Variants in THSD4 observed in about 807,000 individuals in gnomAD.
The protein encoded by THSD4 is thrombospondin type-1 domain-containing protein 4.
THSD4 carries 69 observed loss-of-function variants against 119.0 expected under a neutral mutation model. The observed-to-expected ratio is 0.58, with a 90% CI of 0.48 to 0.71. The LOEUF is 0.71. THSD4 is among the 30% of genes least tolerant of loss of function. The pLI, the probability that THSD4 is intolerant of heterozygous loss-of-function variation, is 0.00. For missense variants in THSD4, 1,393 were observed against 1,391.1 expected, an observed-to-expected ratio of 1.00 and a Z score of -0.02; for synonymous variants, 524 against 540.4, an observed-to-expected ratio of 0.97 and a Z score of 0.42.
At chr15:71,481,613 T>A (rs1315935073) in intron 7 of THSD4, among the ~76,000 whole-genome samples, 3 of 152,176 alleles carry the variant, frequency 2.0e-5, no homozygotes, top group Non-Finnish European at 4.4e-5. Flanking sequence ...CCTTCCTTTT[T>A]GCCCCTCTTC....
intron 7 of THSD4, among the ~76,000 whole-genome samples, chr15:71,471,830 G>T (rs1372663778): frequency 6.6e-6 from 1 of 152,086 alleles, no homozygotes; most frequent in Non-Finnish European, 1.5e-5. Flanking sequence ...CTGTGTAGGG[G>T]TTTCAGAGCG....
chr15:71,422,546 GTC>G (rs1395499932), intron 7 of THSD4, among the ~76,000 whole-genome samples: 1 of 152,206 alleles, frequency 6.6e-6, no homozygotes, highest in Non-Finnish European at 1.5e-5. Flanking sequence ...CAAGAATGGA[GTC>G]TCTCTCTGTG....
intron 1 of THSD4, among the ~76,000 whole-genome samples, chr15:71,101,766 T>A (rs990261058): frequency 6.6e-6 from 1 of 151,788 alleles, no homozygotes; most frequent in Non-Finnish European, 1.5e-5. Context: ...CAGACTAGAG[T>A]GCAGTGGCAT....
intron 4 of THSD4, among the ~76,000 whole-genome samples, chr15:71,224,726 A>G (rs1474152169): frequency 6.6e-6 from 1 of 152,142 alleles, no homozygotes; most frequent in Non-Finnish European, 1.5e-5. Flanking sequence ...GAGGCTGCCT[A>G]CTTGCATTGG....
chr15:71,172,651 G>GCAAATAGAT (rs1555452519), intron 3 of THSD4, among the ~76,000 whole-genome samples: 6 of 100,092 alleles, frequency 6.0e-5, no homozygotes, highest in East Asian at 3.1e-4. Context: ...ATAGATAATG[G>GCAAATAGAT]AACAGAATAC....
chr15:71,187,072 G>A (rs1231904041), intron 3 of THSD4: 1 of 152,370 alleles, frequency 6.6e-6, no homozygotes, highest in East Asian at 1.9e-4. Context: ...AGCAGAGGAA[G>A]GCGGGTCGAA....
chr15:71,376,016 G>T (rs1034229248), intron 6 of THSD4, among the ~76,000 whole-genome samples: 2 of 152,214 alleles, frequency 1.3e-5, no homozygotes. Flanking sequence ...GCGACTTTGT[G>T]ATTATGCATA....
At chr15:71,250,506 A>G (rs879483529) in intron 5 of THSD4, among the ~76,000 whole-genome samples, 17 of 151,956 alleles carry the variant, frequency 1.1e-4, no homozygotes, top group Admixed American at 2.0e-4. Context: ...TTTTGTAGAG[A>G]TGGGTTCTTG....
intron 8 of THSD4, among the ~76,000 whole-genome samples, chr15:71,721,507 A>T (rs765084545): frequency 2.1e-4 from 1 of 4,814 alleles, no homozygotes; most frequent in South Asian, 0.5. Context: ...ATTCTGTCTT[A>T]AAAAAAAAAA....
intron 7 of THSD4, among the ~76,000 whole-genome samples, chr15:71,507,226 C>T (rs4777402): frequency 0.91 from 138,180 of 152,162 alleles, 63,706 homozygotes; most frequent in East Asian, 1. Flanking sequence ...CGCCCTGCCC[C>T]AGCACCTGCA....
chr15:71,520,209 G>T (rs1046257718), intron 7 of THSD4, among the ~76,000 whole-genome samples: 14 of 152,302 alleles, frequency 9.2e-5, no homozygotes, highest in Admixed American at 8.5e-4. Flanking sequence ...AAAGTTGGAG[G>T]GGTTGTCAGA....
intron 2 of THSD4, among the ~76,000 whole-genome samples, chr15:71,149,270 GA>G: frequency 6.6e-6 from 1 of 151,976 alleles, no homozygotes; most frequent in East Asian, 1.9e-4. Flanking sequence ...TTTTGAGATG[GA>G]GTCTCGCTGT....
chr15:71,106,398 C>T (rs2040274263), intron 1 of THSD4, among the ~76,000 whole-genome samples: 1 of 152,110 alleles, frequency 6.6e-6, no homozygotes, highest in Non-Finnish European at 1.5e-5. Flanking sequence ...GCCTTTATCT[C>T]AAAGGCAGAA....
chr15:71,270,399 T>C (rs141690490), intron 6 of THSD4, among the ~76,000 whole-genome samples: 39 of 152,334 alleles, frequency 2.6e-4, no homozygotes, highest in African/African-American at 7.9e-4. Flanking sequence ...GCTAGCCATA[T>C]GCAGAAAACA....
chr15:71,718,392 G>A (rs1346165393), intron 8 of THSD4, among the ~76,000 whole-genome samples: 1 of 152,182 alleles, frequency 6.6e-6, no homozygotes, highest in East Asian at 1.9e-4. Context: ...GAAGAGGGGA[G>A]CGTGGCCTGA....
intron 7 of THSD4, among the ~76,000 whole-genome samples, chr15:71,647,440 C>G (rs926333973): frequency 2.6e-5 from 4 of 152,156 alleles, no homozygotes; most frequent in Non-Finnish European, 5.9e-5. Flanking sequence ...ACATTTCAGC[C>G]AAATTTCTTC....
intron 1 of THSD4, among the ~76,000 whole-genome samples, chr15:71,140,072 C>T (rs2141370250): frequency 6.6e-6 from 1 of 152,314 alleles, no homozygotes; most frequent in East Asian, 1.9e-4. Context: ...TATTTATGGG[C>T]GAGAGATTTT....
intron 11 of THSD4, among the ~76,000 whole-genome samples, chr15:71,742,879 A>G (rs1426808670): frequency 6.6e-6 from 1 of 151,988 alleles, no homozygotes; most frequent in South Asian, 2.1e-4. Flanking sequence ...ACACGGCAAA[A>G]CCCCATCTCT....
intron 8 of THSD4, among the ~76,000 whole-genome samples, chr15:71,669,001 A>G (rs960929805): frequency 1.8e-4 from 27 of 152,222 alleles, no homozygotes; most frequent in African/African-American, 6.3e-4. Flanking sequence ...ACTTATATAA[A>G]TAATTCTGTA....
Sources: gnomAD v4.1 joint callset for allele counts (sites outside exome capture counted in the v4.1 genomes callset) on GRCh38, gnomAD v4.1.1 for gene constraint, MANE v1.5 for transcripts, NCBI Gene and HGNC (gene_info 2026-07-23, HGNC 2026-07-21) for gene names.